The following KCNIP1 variants were observed in gnomAD, a reference collection of about 807,000 sequenced individuals.
The protein encoded by KCNIP1 is potassium voltage-gated channel interacting protein 1, also known as A-type potassium channel modulatory protein KCNIP1.
KCNIP1 carries 18 observed loss-of-function variants against 33.0 expected under a neutral mutation model. The observed-to-expected ratio is 0.55, with a 90% CI of 0.38 to 0.81. The LOEUF is 0.81. Among genes scored for constraint, KCNIP1 ranks in the 30% least tolerant of loss-of-function variants. The pLI, the probability that KCNIP1 is intolerant of heterozygous loss-of-function variation, is 0.00. For missense variants in KCNIP1, 238 were observed against 271.6 expected (o/e 0.88, Z 0.87); for synonymous variants, 93 against 98.3 (o/e 0.95, Z 0.32).
At chr5:170,580,255 C>A (rs1190408503) in intron 1 of KCNIP1, among the ~76,000 whole-genome samples, 1 of 152,192 alleles carries the variant, frequency 6.6e-6, no homozygotes, top group Non-Finnish European at 1.5e-5. Context: ...CTTAGAAACA[C>A]TGCTGGAAAG....
At chr5:170,367,385 G>GAA (rs1763702698) in intron 1 of KCNIP1, among the ~76,000 whole-genome samples, 1 of 115,942 alleles carries the variant, frequency 8.6e-6, no homozygotes, top group South Asian at 2.8e-4. Flanking sequence ...AAGAAAGAAA[G>GAA]AAAGAAAGAA....
intron 1 of KCNIP1, among the ~76,000 whole-genome samples, chr5:170,605,728 G>A (rs1758882873): frequency 6.7e-6 from 1 of 150,100 alleles, no homozygotes; most frequent in Admixed American, 6.6e-5. Context: ...ATGTTTTAGG[G>A]TCTATCTACG....
chr5:170,411,157 G>A (rs1434488868), intron 1 of KCNIP1, among the ~76,000 whole-genome samples: 1 of 152,222 alleles, frequency 6.6e-6, no homozygotes, highest in African/African-American at 2.4e-5. Context: ...TCCAAGCGAT[G>A]CTAATTGATT....
intron 1 of KCNIP1, among the ~76,000 whole-genome samples, chr5:170,478,094 T>C (rs1026066879): frequency 3.3e-5 from 5 of 152,218 alleles, no homozygotes; most frequent in African/African-American, 9.6e-5. Flanking sequence ...CCTCCATCTT[T>C]CAGTGCAGAG....
chr5:170,415,131 A>C (rs1304320646), intron 1 of KCNIP1, among the ~76,000 whole-genome samples: 1 of 152,210 alleles, frequency 6.6e-6, no homozygotes, highest in East Asian at 1.9e-4. Flanking sequence ...AGTAGACGCC[A>C]TGATAATCAA....
chr5:170,614,378 G>A (rs1234118535), intron 1 of KCNIP1, among the ~76,000 whole-genome samples: 1 of 152,178 alleles, frequency 6.6e-6, no homozygotes, highest in East Asian at 1.9e-4. Context: ...ATGGCCAGGA[G>A]GACACATGCA....
At chr5:170,601,013 A>C (rs1758669949) in intron 1 of KCNIP1, among the ~76,000 whole-genome samples, 1 of 152,242 alleles carries the variant, frequency 6.6e-6, no homozygotes, top group Non-Finnish European at 1.5e-5. Context: ...TGTGACCTTG[A>C]ACAAGTCACT....
intron 1 of KCNIP1, among the ~76,000 whole-genome samples, chr5:170,470,553 C>G (rs1118405): frequency 5.2e-4 from 79 of 152,346 alleles, no homozygotes; most frequent in Non-Finnish European, 9.3e-4. Context: ...CAGAATTGGG[C>G]AGCTCATGCT....
chr5:170,390,538 A>ATTTTTTTT (rs1308591694), intron 1 of KCNIP1, among the ~76,000 whole-genome samples: 1 of 131,222 alleles, frequency 7.6e-6, no homozygotes, highest in African/African-American at 3.0e-5. Context: ...ATATATATAT[A>ATTTTTTTT]TTTTCAACAA....
chr5:170,403,940 A>C (rs314142), intron 1 of KCNIP1, among the ~76,000 whole-genome samples: 2,821 of 152,242 alleles, frequency 0.019, 81 homozygotes, highest in African/African-American at 0.065. Context: ...GTAGTAGAAA[A>C]CAGCTCCTAA....
At chr5:170,469,981 G>C (rs940954554) in intron 1 of KCNIP1, among the ~76,000 whole-genome samples, 35 of 152,280 alleles carry the variant, frequency 2.3e-4, no homozygotes, top group African/African-American at 7.9e-4. Flanking sequence ...TTCCTGGCAA[G>C]GCCCAGAATG....
intron 1 of KCNIP1, chr5:170,378,658 C>T: frequency 6.5e-7 from 1 of 1,545,718 alleles, no homozygotes; most frequent in South Asian, 1.3e-5. Context: ...GGGGGCCCAG[C>T]CAGTCCCCTG....
chr5:170,460,221 A>C (rs969851250), intron 1 of KCNIP1, among the ~76,000 whole-genome samples: 6 of 152,144 alleles, frequency 3.9e-5, no homozygotes, highest in African/African-American at 1.4e-4. Flanking sequence ...AAAAAAGTCC[A>C]GGACCAGGTG....
At chr5:170,700,224 C>T (rs1763047207) in intron 1 of KCNIP1, among the ~76,000 whole-genome samples, 1 of 152,136 alleles carries the variant, frequency 6.6e-6, no homozygotes, top group Admixed American at 6.5e-5. Flanking sequence ...CCCTTCTCCT[C>T]CTTCCAGGCT....
At chr5:170,441,361 G>A (rs1045175725) in intron 1 of KCNIP1, among the ~76,000 whole-genome samples, 4 of 152,166 alleles carry the variant, frequency 2.6e-5, no homozygotes, top group African/African-American at 9.7e-5. Flanking sequence ...TGGAACAAAC[G>A]AGACCCCTGA....
At chr5:170,485,708 G>A (rs907784638) in intron 1 of KCNIP1, among the ~76,000 whole-genome samples, 2 of 152,170 alleles carry the variant, frequency 1.3e-5, no homozygotes, top group Non-Finnish European at 2.9e-5. Context: ...AGGCCTCCAG[G>A]CTGCCTCTGG....
intron 1 of KCNIP1, among the ~76,000 whole-genome samples, chr5:170,508,042 G>A (rs1244159457): frequency 6.6e-6 from 1 of 152,212 alleles, no homozygotes; most frequent in Non-Finnish European, 1.5e-5. Flanking sequence ...AGAACCAGAG[G>A]AGGACCATAC....
chr5:170,650,287 C>A (rs1168841809), intron 1 of KCNIP1, among the ~76,000 whole-genome samples: 1 of 152,126 alleles, frequency 6.6e-6, no homozygotes, highest in Non-Finnish European at 1.5e-5. Context: ...CTATCACCCC[C>A]CAAAGTTTCT....
intron 1 of KCNIP1, among the ~76,000 whole-genome samples, chr5:170,542,588 G>A (rs1756253713): frequency 6.6e-6 from 1 of 152,076 alleles, no homozygotes; most frequent in East Asian, 1.9e-4. Context: ...TTATCCACAG[G>A]GGATATATTC....
Sources: allele counts gnomAD v4.1 joint callset (sites outside exome capture counted in the v4.1 genomes callset), GRCh38; gene constraint gnomAD v4.1.1; transcripts MANE v1.5; gene names NCBI Gene and HGNC (gene_info 2026-07-23, HGNC 2026-07-21).